GRID2: variants seen among roughly 807,000 people sequenced by gnomAD.
GRID2 encodes glutamate receptor ionotropic, delta-2.
In GRID2, 33 loss-of-function variants were observed where a neutral mutation model predicts 114.8. That is an observed-to-expected ratio of 0.29 (90% CI 0.22 to 0.38). GRID2 has a LOEUF of 0.38. GRID2 is among the 10% of genes least tolerant of loss of function. GRID2 has a pLI of 1.00. For synonymous variants in GRID2, 505 were observed against 449.9 expected, an observed-to-expected ratio of 1.12 and a Z score of -1.55; for missense variants, 1,184 against 1,257.7, an observed-to-expected ratio of 0.94 and a Z score of 0.89.
At chr4:92,503,399 T>G (rs1221530410) in intron 1 of GRID2, among the ~76,000 whole-genome samples, 1 of 152,138 alleles carries the variant, frequency 6.6e-6, no homozygotes, top group Non-Finnish European at 1.5e-5. Flanking sequence ...CAAAGAGAGA[T>G]ACAATGAAAT....
At chr4:93,007,918 A>G (rs920155345) in intron 2 of GRID2, among the ~76,000 whole-genome samples, 1 of 151,408 alleles carries the variant, frequency 6.6e-6, no homozygotes, top group African/African-American at 2.4e-5. Flanking sequence ...GTGGGCACCT[A>G]TAATCCCAGC....
At chr4:93,762,579 C>A (rs543820104) in intron 14 of GRID2, among the ~76,000 whole-genome samples, 1 of 152,190 alleles carries the variant, frequency 6.6e-6, no homozygotes, top group East Asian at 1.9e-4. Flanking sequence ...CCAGAGGATT[C>A]TAACAGAGGT....
chr4:92,406,940 A>C (rs1199415295), intron 1 of GRID2, among the ~76,000 whole-genome samples: 5 of 151,892 alleles, frequency 3.3e-5, no homozygotes, highest in Non-Finnish European at 7.4e-5. Context: ...TAAAGATACT[A>C]TCTGAAACTG....
chr4:93,328,221 A>G (rs920906782), intron 8 of GRID2, among the ~76,000 whole-genome samples: 1 of 152,128 alleles, frequency 6.6e-6, no homozygotes, highest in Non-Finnish European at 1.5e-5. Flanking sequence ...AAAACCTCCA[A>G]TGTCTTTCCA....
chr4:93,454,291 G>A (rs1722985364), intron 10 of GRID2, among the ~76,000 whole-genome samples: 1 of 151,916 alleles, frequency 6.6e-6, no homozygotes, highest in Non-Finnish European at 1.5e-5. Context: ...CTACTATATG[G>A]TTCATTTGGA....
intron 9 of GRID2, among the ~76,000 whole-genome samples, chr4:93,405,223 G>C (rs1766293851): frequency 6.6e-6 from 1 of 152,088 alleles, no homozygotes; most frequent in Admixed American, 6.6e-5. Flanking sequence ...TTTATAAACA[G>C]ACTCTTAAAG....
intron 2 of GRID2, among the ~76,000 whole-genome samples, chr4:92,877,365 C>G (rs1745705514): frequency 6.6e-6 from 1 of 152,152 alleles, no homozygotes; most frequent in Non-Finnish European, 1.5e-5. Flanking sequence ...TCTCTAAAGA[C>G]AGAAAACTCT....
intron 2 of GRID2, among the ~76,000 whole-genome samples, chr4:92,966,629 A>G (rs1268427182): frequency 1.3e-5 from 2 of 151,898 alleles, no homozygotes; most frequent in African/African-American, 4.8e-5. Context: ...TGATGTTTTC[A>G]TAAATAGGAG....
chr4:92,510,877 G>A lies in GRID2; in HGVS notation c.89-79254G>A, dbSNP rs185659682. Among the ~76,000 whole-genome samples the A allele has an allele frequency of 1.5e-4, 23 of 149,524 alleles. 1 individual carries two copies. The East Asian group carries it at 4.5e-3, about 30-fold the overall frequency. ...GTCAATTAAAAAAAAAAAAACAGTG[G>A]CAATAAGAAGGAATCCAGTAAAGAG... On this transcript the variant is annotated intron_variant, in intron 1 of 15. Transcript: ENST00000282020.
intron 2 of GRID2, among the ~76,000 whole-genome samples, chr4:93,081,182 T>C (rs2149317779): frequency 6.6e-6 from 1 of 152,218 alleles, no homozygotes; most frequent in Non-Finnish European, 1.5e-5. Context: ...GAGGAAGTTA[T>C]ATCGGGACAA....
At chr4:93,035,696 T>G (rs1229917305) in intron 2 of GRID2, among the ~76,000 whole-genome samples, 1 of 152,164 alleles carries the variant, frequency 6.6e-6, no homozygotes, top group African/African-American at 2.4e-5. Flanking sequence ...AAATCCTCAC[T>G]GGCTATTGGT....
intron 2 of GRID2, among the ~76,000 whole-genome samples, chr4:93,062,465 T>C (rs1247072161): frequency 1.3e-5 from 2 of 152,138 alleles, no homozygotes; most frequent in African/African-American, 4.8e-5. Context: ...ATGGTAAAGA[T>C]AGTTGTTGAT....
At chr4:93,395,418 T>C (rs1423419955) in intron 8 of GRID2, among the ~76,000 whole-genome samples, 189 bp from the exon 9 acceptor site, 1 of 152,018 alleles carries the variant, frequency 6.6e-6, no homozygotes, top group Non-Finnish European at 1.5e-5. Context: ...ATGTGCCATA[T>C]AATGATATTT....
chr4:93,246,295 T>C (rs1194756021), intron 8 of GRID2, among the ~76,000 whole-genome samples: 1 of 151,972 alleles, frequency 6.6e-6, no homozygotes, highest in Non-Finnish European at 1.5e-5. Context: ...CTAGAAAATA[T>C]TATGAAGTAG....
chr4:92,654,537 A>T (rs1732131202), intron 2 of GRID2, among the ~76,000 whole-genome samples: 1 of 152,022 alleles, frequency 6.6e-6, no homozygotes, highest in African/African-American at 2.4e-5. Flanking sequence ...TGAGTCAATA[A>T]GAGTTTCCTT....
At chr4:93,358,962 A>G (rs1055847075) in intron 8 of GRID2, among the ~76,000 whole-genome samples, 10 of 152,056 alleles carry the variant, frequency 6.6e-5, no homozygotes, top group Admixed American at 2.6e-4. Flanking sequence ...CCATCACTCA[A>G]TTAGCAGTTT....
intron 2 of GRID2, among the ~76,000 whole-genome samples, chr4:92,847,435 G>A (rs905446720): frequency 1.7e-4 from 26 of 151,850 alleles, no homozygotes; most frequent in African/African-American, 6.0e-4. Flanking sequence ...GTTATATCTC[G>A]CTGGCCTCTC....
At chr4:92,712,484 T>C (rs1485924509) in intron 2 of GRID2, among the ~76,000 whole-genome samples, 2 of 152,160 alleles carry the variant, frequency 1.3e-5, no homozygotes, top group Non-Finnish European at 2.9e-5. Context: ...TTTATTATGC[T>C]GTATATTAAC....
intron 8 of GRID2, among the ~76,000 whole-genome samples, chr4:93,335,492 G>T (rs918337900): frequency 6.6e-6 from 1 of 151,994 alleles, no homozygotes; most frequent in African/African-American, 2.4e-5. Context: ...GTTTTATATT[G>T]TCTTAAGCAC....
Sources: gnomAD v4.1 joint callset for allele counts (sites outside exome capture counted in the v4.1 genomes callset) on GRCh38, gnomAD v4.1.1 for gene constraint, MANE v1.5 for transcripts, NCBI Gene and HGNC (gene_info 2026-07-23, HGNC 2026-07-21) for gene names.